Variants in GANC observed in about 807,000 individuals in gnomAD.
GANC encodes the protein glucosidase alpha, neutral C.
In GANC, 117 loss-of-function variants were observed where a neutral mutation model predicts 124.2. That is an observed-to-expected ratio of 0.94 (90% CI 0.81 to 1.10). The LOEUF (loss-of-function observed/expected upper bound fraction) is 1.10, where lower values mean the gene tolerates loss of function less well. GANC is among the 50% of genes least tolerant of loss of function. The pLI, the probability that GANC is intolerant of heterozygous loss-of-function variation, is 0.00. For synonymous variants in GANC, 377 were observed against 376.8 expected (o/e 1.00, Z -0.01); for missense variants, 1,140 against 1,095.0 (o/e 1.04, Z -0.58).
At chr15:42,321,448 A>G (rs1264471948) in intron 10 of GANC, among the ~76,000 whole-genome samples, 1 of 152,116 alleles carries the variant, frequency 6.6e-6, no homozygotes, top group East Asian at 1.9e-4. Flanking sequence ...ATTCCCACTA[A>G]CTCTACAAGG....
intron 16 of GANC, among the ~76,000 whole-genome samples, chr15:42,339,425 T>C (rs1489623894): frequency 1.3e-5 from 2 of 151,606 alleles, no homozygotes; most frequent in Non-Finnish European, 2.9e-5. Flanking sequence ...ACAGGAATAT[T>C]GATCTTGAAA....
chr15:42,348,618 T>C (rs2052389474), intron 21 of GANC, among the ~76,000 whole-genome samples: 1 of 152,182 alleles, frequency 6.6e-6, no homozygotes, highest in Non-Finnish European at 1.5e-5. Context: ...ATCAGGTAGC[T>C]CCAACAACTA....
At chr15:42,287,630 G>T in intron 3 of GANC, 61 bp from the exon 4 acceptor site, 1 of 1,550,810 alleles carries the variant, frequency 6.4e-7, no homozygotes, top group South Asian at 1.2e-5. Flanking sequence ...ATTGTAATTG[G>T]TGCAAAATTG....
intron 2 of GANC, among the ~76,000 whole-genome samples, chr15:42,277,012 C>T (rs1372058949): frequency 6.6e-6 from 1 of 152,124 alleles, no homozygotes; most frequent in East Asian, 1.9e-4. Context: ...TTCAGTCTGT[C>T]TCTTATTGCT....
chr15:42,330,750 G>A, intron 15 of GANC, 78 bp downstream of exon 15: 1 of 745,426 alleles, frequency 1.3e-6, no homozygotes, highest in Non-Finnish European at 2.2e-6. Flanking sequence ...TGATGTTACT[G>A]TGCTGATGCC....
Position 42,274,372 on chromosome 15 carries a change from C to T in GANC, c.-110C>T, listed in dbSNP as rs1269386964. On this transcript the variant is annotated 5_prime_UTR_variant, in exon 1 of 24. In the 5' UTR this introduces an upstream ATG that the reference lacks. Transcript: ENST00000318010. ...GGGGACTCCCTTCCCAGAAACTTGA[C>T]GATGAAGTACTGGTTGTAATTTTAG... 12 of 1,124,950 alleles carry T rather than the reference C, an allele frequency of 1.1e-5. No homozygotes were observed. Among genetic ancestry groups the T allele is most frequent in the Non-Finnish European group, 1.4e-5 (11 of 775,654 alleles). The allele number at this position is 1,124,950 out of a possible 1,614,324, so 69.7% of individuals were successfully genotyped here.
At chr15:42,279,944 A>G (rs2051715346) in intron 3 of GANC, among the ~76,000 whole-genome samples, 1 of 152,236 alleles carries the variant, frequency 6.6e-6, no homozygotes, top group Non-Finnish European at 1.5e-5. Flanking sequence ...TCCAAACTTT[A>G]TTCCCAGACA....
rs2051854885 is a variant in GANC at position 42,292,890 on chromosome 15, A to C, written c.485A>C (p.Glu162Ala). ...SINSLGQLYF[E>A]HLQILHKQRA... ...AATTCCCTGGGCCAATTATACTTTGAGCATCTACAGATTCTTCACAAACAA... is the reference window on the plus strand; with the variant it reads ...AATTCCCTGGGCCAATTATACTTTGCGCATCTACAGATTCTTCACAAACAA... Residue 162 changes from glutamate to alanine, a missense_variant, in exon 5 of 24, where the codon GAG (glutamate) becomes GCG (alanine). By Grantham distance (107) the Glu-to-Ala change is moderately radical. Transcript: ENST00000318010. 14 of 1,613,988 alleles carry C rather than the reference A, an allele frequency of 8.7e-6. No homozygotes were observed. Among genetic ancestry groups the C allele is most frequent in the African/African-American group, 1.3e-5 (1 of 74,938 alleles).
intron 6 of GANC, among the ~76,000 whole-genome samples, chr15:42,305,710 T>C (rs2051988642): frequency 1.3e-5 from 2 of 152,198 alleles, no homozygotes; most frequent in African/African-American, 4.8e-5. Context: ...CTATCAGTGA[T>C]AGACTGGATA....
intron 10 of GANC, among the ~76,000 whole-genome samples, chr15:42,319,907 A>T (rs1198071744): frequency 6.6e-6 from 1 of 152,158 alleles, no homozygotes; most frequent in Admixed American, 6.5e-5. Flanking sequence ...TTTAGAGGCC[A>T]GATTTGGTGG....
chr15:42,283,029 C>A (rs779814306), intron 3 of GANC, among the ~76,000 whole-genome samples: 1 of 152,184 alleles, frequency 6.6e-6, no homozygotes, highest in Non-Finnish European at 1.5e-5. Context: ...AATTACCTCC[C>A]AAGGGCTTCA....
chr15:42,330,024 G>T (rs1186438861), intron 14 of GANC, among the ~76,000 whole-genome samples: 4 of 152,170 alleles, frequency 2.6e-5, no homozygotes, highest in East Asian at 3.8e-4. Flanking sequence ...TATACCCATG[G>T]TTCTTTGTTA....
rs148460508 is a variant in GANC at position 42,278,177 on chromosome 15, G to A, written c.93-305G>A. On this transcript the variant is annotated intron_variant, in intron 2 of 23. Coordinates refer to ENST00000318010, the MANE Select transcript of GANC (RefSeq NM_198141.3). Reference sequence around the variant, plus strand: ...AGTCCATTTTATGGAAAGAGGGAGGGAAATTAACAAGTTCACAAATGTCAT... The same window carrying A: ...AGTCCATTTTATGGAAAGAGGGAGGAAAATTAACAAGTTCACAAATGTCAT... 3.8e-3 allele frequency: 806 copies of A among 210,846 alleles called. 6 individuals carry two copies. Among genetic ancestry groups the A allele is most frequent in the African/African-American group, 0.017 (755 of 43,504 alleles). The allele number at this position is 210,846 out of a possible 1,614,324, so 13.1% of individuals were successfully genotyped here.
intron 19 of GANC, chr15:42,345,047 AGAAAGTGTACT>A (rs1344748744): frequency 6.6e-6 from 1 of 152,216 alleles, no homozygotes; most frequent in African/African-American, 2.4e-5. Flanking sequence ...CAGGGCTGCC[AGAAAGTGTACT>A]GAGCTAGAAG....
chr15:42,284,017 T>C (rs546414103), intron 3 of GANC: 45 of 702,194 alleles, frequency 6.4e-5, no homozygotes, highest in South Asian at 6.4e-4. Flanking sequence ...TATTAGACCA[T>C]CCTCTGGATC....
chr15:42,314,370 A>T lies in GANC; in HGVS notation c.1057+3524A>T, dbSNP rs573347054. On this transcript the variant is annotated intron_variant, in intron 10 of 23. Coordinates refer to ENST00000318010, the MANE Select transcript of GANC (RefSeq NM_198141.3). ...GATCTATATTGGAAGGCATCTGACAACTTCTACCAGCACCTTTTGATGAAT... is the reference window on the plus strand; with the variant it reads ...GATCTATATTGGAAGGCATCTGACATCTTCTACCAGCACCTTTTGATGAAT... 11 of 504,348 alleles carry T rather than the reference A, an allele frequency of 2.2e-5. No individual in the cohort carries two copies. In the Admixed American group the frequency reaches 2.8e-4, roughly 13 times the overall value. 31.2% of individuals were successfully genotyped at this position (504,348 alleles called of 1,614,324 possible).
At chr15:42,290,132 C>T (rs749038259) in intron 4 of GANC, among the ~76,000 whole-genome samples, 1 of 152,110 alleles carries the variant, frequency 6.6e-6, no homozygotes, top group Non-Finnish European at 1.5e-5. Context: ...AATAATAGAC[C>T]ACAAAATTCT....
At chr15:42,350,498 A>G (rs1246307591) in intron 22 of GANC, among the ~76,000 whole-genome samples, 2 of 151,680 alleles carry the variant, frequency 1.3e-5, no homozygotes, top group Non-Finnish European at 2.9e-5. Context: ...ATAACTTGTT[A>G]AAAAGAGCCT....
Position 42,352,385 on chromosome 15 carries a change from G to A in GANC, c.*246G>A. On this transcript the variant is annotated 3_prime_UTR_variant, in exon 24 of 24. Transcript: ENST00000318010. ...CCTTTTCTCCCTGATACATAGCCCT[G>A]AGACATTTATAGCGTTCAGGAGTCT... The A allele has an allele frequency of 2.3e-6, 3 of 1,281,650 alleles. No homozygotes were observed. The highest frequency in any genetic ancestry group is 3.0e-6 in the Non-Finnish European group (3 of 1,005,516). 79.4% of individuals were successfully genotyped at this position (1,281,650 alleles called of 1,614,324 possible).
Sources: gnomAD v4.1 joint callset for allele counts (sites outside exome capture counted in the v4.1 genomes callset) on GRCh38, gnomAD v4.1.1 for gene constraint, MANE v1.5 for transcripts, NCBI Gene and HGNC (gene_info 2026-07-23, HGNC 2026-07-21) for gene names.